The following PNPLA6 variants were observed in gnomAD, a reference collection of about 807,000 sequenced individuals.
PNPLA6 encodes the protein patatin like domain 6, lysophospholipase, also known as patatin-like phospholipase domain-containing protein 6.
A neutral mutation model predicts 153.7 loss-of-function variants in PNPLA6; 105 were observed. The ratio of observed to expected loss-of-function variants is 0.68; its 90% confidence interval spans 0.58 to 0.80. The LOEUF (loss-of-function observed/expected upper bound fraction) is 0.80, where lower values mean the gene tolerates loss of function less well. PNPLA6 is among the 30% of genes least tolerant of loss of function. PNPLA6 has a pLI of 0.00. For synonymous variants in PNPLA6, 825 were observed against 822.2 expected, an observed-to-expected ratio of 1.00 and a Z score of -0.06; for missense variants, 1,423 against 1,919.3, an observed-to-expected ratio of 0.74 and a Z score of 4.83.
In PNPLA6 at chr19:7,542,008, T is replaced by C; in HGVS notation, c.1193T>C (p.Leu398Pro). 1 of 1,608,536 alleles carries C rather than the reference T, an allele frequency of 6.2e-7. No individual in the cohort carries two copies. Among genetic ancestry groups the C allele is most frequent in the Non-Finnish European group, 8.5e-7 (1 of 1,179,866 alleles). ...PTGDPVKPTSLETPSAPLLSR... is the reference protein window; with the variant it reads ...PTGDPVKPTSPETPSAPLLSR... ...GGGGACCCTGTGAAGCCCACATCCC[T>C]GGAAACCCCCTCGGCCCCTCTGCTG... The change falls in exon 10 of 32, where the codon CTG becomes CCG. Residue 398 changes from leucine (L) to proline (P), a missense_variant. Coordinates refer to ENST00000600737, the MANE Select transcript of PNPLA6 (RefSeq NM_001166114.2).
At chr19:7,539,148 A>C (rs1275884692) in intron 3 of PNPLA6, among the ~76,000 whole-genome samples, 1 of 152,248 alleles carries the variant, frequency 6.6e-6, no homozygotes, top group East Asian at 1.9e-4. Context: ...AAATACATGA[A>C]TGTGGCTTTG....
chr19:7,557,783 C>CCAAA (rs773767930), intron 27 of PNPLA6, among the ~76,000 whole-genome samples: 5 of 110,562 alleles, frequency 4.5e-5, no homozygotes, highest in African/African-American at 8.4e-5. Context: ...GACTCAGTCT[C>CCAAA]AAAAAAAAAA....
At chr19:7,560,803 T>C in intron 29 of PNPLA6, 39 bp downstream of exon 29, 1 of 1,309,048 alleles carries the variant, frequency 7.6e-7, no homozygotes, top group Non-Finnish European at 1.1e-6. Flanking sequence ...CTGACTCCAC[T>C]GATTACAGAA....
chr19:7,547,600 C>CG (rs1376810935), intron 13 of PNPLA6, among the ~76,000 whole-genome samples: 1 of 151,842 alleles, frequency 6.6e-6, no homozygotes, highest in Non-Finnish European at 1.5e-5. Flanking sequence ...CCTTGGCCTC[C>CG]CAAAATGCTG....
chr19:7,557,247 C>G lies in PNPLA6; in HGVS notation c.3360C>G (p.His1120Gln). The G allele has an allele frequency of 6.2e-7, 1 of 1,613,416 alleles. No individual in the cohort carries two copies. Among genetic ancestry groups the G allele is most frequent in the Non-Finnish European group, 8.5e-7 (1 of 1,179,748 alleles). ...LPPLCDPKDG[H>Q]LLMDGGYINN... ...CGCTGTGCGACCCCAAGGACGGGCA[C>G]CTACTCATGGATGGCGGCTACATCA... Residue 1120 changes from histidine (H) to glutamine (Q), a missense_variant, in exon 27 of 32, where the codon CAC (histidine) becomes CAG (glutamine). Coordinates refer to ENST00000600737, the MANE Select transcript of PNPLA6 (RefSeq NM_001166114.2).
In PNPLA6 at chr19:7,540,203, C is replaced by T. The variant is rs1599271966; in HGVS notation, c.609C>T (p.Val203=). ...PLFLELCRHM[V]FQRLGQGDYV... ...TCCTGGAGCTCTGCCGCCACATGGTCTTCCAGCGGCTGGGCCAGGGTGACT... is the reference window on the plus strand; with the variant it reads ...TCCTGGAGCTCTGCCGCCACATGGTTTTCCAGCGGCTGGGCCAGGGTGACT... The change falls in exon 5 of 32, where the codon GTC becomes GTT. Residue 203 remains valine, a synonymous_variant. Coordinates refer to ENST00000600737, the MANE Select transcript of PNPLA6 (RefSeq NM_001166114.2). This position sits in a 1 kb window ranked among gnomAD's most constrained non-coding sequence, Gnocchi z 6.8. The T allele has an allele frequency of 4.3e-6, 7 of 1,610,628 alleles. No homozygotes were observed. The South Asian group carries it at 7.7e-5, about 18-fold the overall frequency.
rs767119455 is a variant in PNPLA6, at chr19:7,540,702, G to T, written c.787G>T (p.Val263Phe). The T allele has an allele frequency of 1.1e-5, 17 of 1,613,040 alleles. No individual in the cohort carries two copies. In the East Asian group the frequency reaches 3.8e-4, roughly 36 times the overall value. Residue 263 changes from valine to phenylalanine, a missense_variant, in exon 6 of 32, where the codon GTC (valine) becomes TTC (phenylalanine). Coordinates refer to ENST00000600737, the MANE Select transcript of PNPLA6 (RefSeq NM_001166114.2). This position sits in a 1 kb window ranked among gnomAD's most constrained non-coding sequence, Gnocchi z 6.8. ...CAACAGCCTTCTCAGCATCCTGGATGTCATCACCGTGAGTGACCAGTTTCT... is the reference window on the plus strand; with the variant it reads ...CAACAGCCTTCTCAGCATCCTGGATTTCATCACCGTGAGTGACCAGTTTCT... ...SVNSLLSILD[V>F]ITGHQHPQRT...
At chr19:7,551,134 G>A (rs1253360804) in intron 17 of PNPLA6, 27 bp downstream of exon 17, 12 of 1,387,950 alleles carry the variant, frequency 8.6e-6, no homozygotes, top group Non-Finnish European at 1.2e-5. Context: ...GCGGGGCAGA[G>A]AGGCGGAGGC....
intron 31 of PNPLA6, 22 bp downstream of exon 31, chr19:7,561,339 T>C: frequency 6.6e-7 from 1 of 1,525,826 alleles, no homozygotes; most frequent in Non-Finnish European, 9.0e-7. Context: ...TGGCCCAGGG[T>C]CCCCTCACAT....
Position 7,541,322 on chromosome 19 carries a change from C to A in PNPLA6, c.925-32C>A. The A allele has an allele frequency of 6.3e-7, 1 of 1,596,626 alleles. No individual in the cohort carries two copies. Among genetic ancestry groups the A allele is most frequent in the Non-Finnish European group, 8.6e-7 (1 of 1,165,546 alleles). The stretch of plus-strand genomic sequence containing the variant: ...TCTGGCCCTGCCCCTTACCCCGCCC[C>A]ATCTTATGGCCACGCCCCTCGAGCC... On this transcript the variant is annotated intron_variant, in intron 7 of 31. Transcript: ENST00000600737. The surrounding 1 kb of genome is among the most constrained non-coding windows in gnomAD (Gnocchi z 5.2).
chr19:7,557,967 C>G (rs75877308), intron 27 of PNPLA6, among the ~76,000 whole-genome samples: 2 of 152,134 alleles, frequency 1.3e-5, no homozygotes, highest in African/African-American at 4.8e-5. Flanking sequence ...CTCTCAGGGG[C>G]AGGTAGGGCT....
rs1568409015 is a variant in PNPLA6 at position 7,541,654 on chromosome 19, C to G, written c.1138C>G (p.Pro380Ala). 6.3e-7 allele frequency: 1 copy of G among 1,578,602 alleles called. No individual in the cohort carries two copies. The highest frequency in any genetic ancestry group is 2.3e-5 in the East Asian group (1 of 43,184). Residue 380 changes from proline (P) to alanine (A), a missense_variant, in exon 9 of 32, where the codon CCC (proline) becomes GCC (alanine). By Grantham distance (27) the Pro-to-Ala change is conservative. Coordinates refer to ENST00000600737, the MANE Select transcript of PNPLA6 (RefSeq NM_001166114.2). The surrounding 1 kb of genome is among the most constrained non-coding windows in gnomAD (Gnocchi z 5.2). ...PRETPGRPPD[P>A]TGAPLPGPTG... is the part of the protein sequence containing the mutation. Reference sequence around the variant, plus strand: ...GGAGACCCCAGGGCGGCCACCCGATCCCACCGGGGCCCCGCTGCCTGGACC... The same window carrying G: ...GGAGACCCCAGGGCGGCCACCCGATGCCACCGGGGCCCCGCTGCCTGGACC...
chr19:7,558,727 T>G, intron 27 of PNPLA6, 123 bp from the exon 28 acceptor site: 3 of 681,190 alleles, frequency 4.4e-6, no homozygotes, highest in Non-Finnish European at 7.5e-6. Context: ...TGTTTGCATG[T>G]GTGGGTATTC....
Position 7,555,487 on chromosome 19 carries a change from A to G in PNPLA6, c.2936+120A>G. The G allele has an allele frequency of 7.3e-7, 1 of 1,366,832 alleles. No homozygotes were observed. The highest frequency in any genetic ancestry group is 2.5e-4 in the Middle Eastern group (1 of 3,984). 84.7% of individuals were successfully genotyped at this position (1,366,832 alleles called of 1,614,324 possible). ...GGGTGGAGCTTCCCCTCCGGGAGAGACCCCGTGGGTAGGGGCGGGTCCTTT... is the reference window on the plus strand; with the variant it reads ...GGGTGGAGCTTCCCCTCCGGGAGAGGCCCCGTGGGTAGGGGCGGGTCCTTT... On this transcript the variant is annotated intron_variant, in intron 23 of 31. Coordinates refer to ENST00000600737, the MANE Select transcript of PNPLA6 (RefSeq NM_001166114.2). This position sits in a 1 kb window ranked among gnomAD's most constrained non-coding sequence, Gnocchi z 6.3.
chr19:7,552,279 G>C (rs536336645), intron 18 of PNPLA6, among the ~76,000 whole-genome samples: 3 of 152,162 alleles, frequency 2.0e-5, no homozygotes, highest in African/African-American at 7.2e-5. Flanking sequence ...AGAATGGGGC[G>C]TGCGGTGGGG....
At chr19:7,552,779 A>G (rs1222593595) in intron 18 of PNPLA6, among the ~76,000 whole-genome samples, 2 of 151,832 alleles carry the variant, frequency 1.3e-5, no homozygotes, top group East Asian at 1.9e-4. Flanking sequence ...GAAAGAAAAA[A>G]AAAAAGAAAA....
At chr19:7,544,732 G>A (rs1351781817) in intron 13 of PNPLA6, among the ~76,000 whole-genome samples, 1 of 152,118 alleles carries the variant, frequency 6.6e-6, no homozygotes, top group African/African-American at 2.4e-5. Context: ...CTGGAGTGTT[G>A]CTGTGTCACT....
intron 13 of PNPLA6, among the ~76,000 whole-genome samples, 176 bp downstream of exon 13, chr19:7,543,260 A>G (rs1257113134): frequency 6.6e-6 from 1 of 151,416 alleles, no homozygotes; most frequent in East Asian, 1.9e-4. Flanking sequence ...CCCACCCCCT[A>G]ACCCCACCCT....
Position 7,561,067 on chromosome 19 carries a change from G to C in PNPLA6, c.3870G>C (p.Arg1290=). 1 of 1,613,492 alleles carries C rather than the reference G, an allele frequency of 6.2e-7. No homozygotes were observed. Among genetic ancestry groups the C allele is most frequent in the South Asian group, 1.1e-5 (1 of 90,874 alleles). ...GFTDLAEIVS[R]IEPPTSYVSD... Reference sequence around the variant, plus strand: ...CTGACTTGGCAGAGATTGTGTCCCGGATTGAGCCCCCCACGAGCTATGTCT... The same window carrying C: ...CTGACTTGGCAGAGATTGTGTCCCGCATTGAGCCCCCCACGAGCTATGTCT... The change falls in exon 30 of 32, where the codon CGG becomes CGC. Residue 1290 remains arginine (R), a synonymous_variant. Transcript: ENST00000600737.
Sources: gnomAD v4.1 joint callset for allele counts (sites outside exome capture counted in the v4.1 genomes callset) on GRCh38, gnomAD v4.1.1 for gene constraint, Gnocchi (gnomAD v3.1) non-coding constraint, MANE v1.5 for transcripts, NCBI Gene and HGNC (gene_info 2026-07-23, HGNC 2026-07-21) for gene names.